The following PIEZO2 variants were observed in gnomAD, a reference collection of about 807,000 sequenced individuals.
The protein encoded by PIEZO2 is piezo-type mechanosensitive ion channel component 2.
Under a neutral mutation model 337.3 loss-of-function variants are expected in PIEZO2, and 172 were observed. The ratio of observed to expected loss-of-function variants is 0.51; its 90% confidence interval spans 0.45 to 0.58. The LOEUF is 0.58. PIEZO2 is among the 20% of genes least tolerant of loss of function. The pLI is 0.00. For missense variants in PIEZO2, 3,028 were observed against 3,391.3 expected (o/e 0.89, Z 2.66); for synonymous variants, 1,251 against 1,228.5 (o/e 1.02, Z -0.38).
At chr18:10,823,672 G>A (rs2040586411) in intron 7 of PIEZO2, among the ~76,000 whole-genome samples, 1 of 152,146 alleles carries the variant, frequency 6.6e-6, no homozygotes, top group Non-Finnish European at 1.5e-5. Flanking sequence ...AGGGAGGGGA[G>A]GGATAAATGT....
At position 10,760,996 on chromosome 18, in the gene PIEZO2, T is replaced by A. The variant is rs2038103613; in HGVS notation, c.3365A>T (p.Asp1122Val). 1.3e-6 allele frequency: 2 copies of A among 1,534,038 alleles called. No homozygotes were observed. Among genetic ancestry groups the A allele is most frequent in the Non-Finnish European group, 1.7e-6 (2 of 1,144,086 alleles). ...TAPVSRTIFH[D>V]ITRLHLDDGL... ...ATCATCTAGATGTAGTCTTGTAATG[T>A]CATGAAAGATAGTTCTAGACACAGG... The change falls in exon 24 of 56, where the codon GAC becomes GTC. Residue 1122 changes from aspartate to valine, a missense_variant. Around this residue, in one of 5 missense-constraint regions of PIEZO2, gnomAD observed 1,925 missense variants for 2,051.9 expected, o/e 0.94. Transcript: ENST00000674853.
At position 10,794,964 on chromosome 18, in the gene PIEZO2, C is replaced by T; in HGVS notation, c.1566G>A (p.Val522=). The change falls in exon 13 of 56, where the codon GTG becomes GTA. Residue 522 remains valine (V), a synonymous_variant. Coordinates refer to ENST00000674853, the MANE Select transcript of PIEZO2 (RefSeq NM_001378183.1). This position sits in a 1 kb window ranked among gnomAD's most constrained non-coding sequence, Gnocchi z 6.6. ...SITYHSWLTF[V]LLIWSCTLWM... is the part of the protein sequence containing the mutation. ...AAAGAGTGCACGACCAGATCAGCAG[C>T]ACGAAGGTCAGCCAGCTGTGATAGG... 1 of 1,547,834 alleles carries T rather than the reference C, an allele frequency of 6.5e-7. No homozygotes were observed. Among genetic ancestry groups the T allele is most frequent in the Middle Eastern group, 1.7e-4 (1 of 5,994 alleles).
chr18:10,705,489 C>T lies in PIEZO2; in HGVS notation c.5846G>A (p.Ser1949Asn), dbSNP rs1335706888. Residue 1949 changes from serine (S) to asparagine (N), a missense_variant, in exon 41 of 56, where the codon AGC becomes AAC. By Grantham distance (46) the Ser-to-Asn change is conservative. This residue lies in a region of PIEZO2 where 1,925 missense variants were observed against 2,051.9 expected (regional missense o/e 0.94). Transcript: ENST00000674853. ...EAPPSYSKAVSFEHLSFGSQD... is the reference protein window; with the variant it reads ...EAPPSYSKAVNFEHLSFGSQD... ...CGAGCCGAAGGACAGATGCTCGAAGCTCACAGCCTTGCTGTAGGAGGGTGG... is the reference window on the plus strand; with the variant it reads ...CGAGCCGAAGGACAGATGCTCGAAGTTCACAGCCTTGCTGTAGGAGGGTGG... The T allele has an allele frequency of 6.5e-7, 1 of 1,537,290 alleles. No individual in the cohort carries two copies. Among genetic ancestry groups the T allele is most frequent in the Admixed American group, 2.0e-5 (1 of 51,010 alleles).
chr18:10,927,118 C>A (rs1428858742), intron 3 of PIEZO2, among the ~76,000 whole-genome samples: 4 of 152,238 alleles, frequency 2.6e-5, no homozygotes, highest in African/African-American at 9.6e-5. Flanking sequence ...TCCTGGATTT[C>A]TTTGCTTCGC....
chr18:10,795,338 TTTATTTTATTTTA>T lies in PIEZO2; in HGVS notation c.1528-349_1528-337del, dbSNP rs1158585088. Among the ~76,000 whole-genome samples, 67 of 18,852 alleles carry T rather than the reference TTTATTTTATTTTA, an allele frequency of 3.6e-3. 1 individual carries two copies. Among genetic ancestry groups the T allele is most frequent in the African/African-American group, 0.011 (64 of 5,830 alleles). 12.4% of individuals were successfully genotyped at this position (18,852 alleles called of 152,430 possible). ...AATATTTTATTTTATTTTATTTTAT[TTTATTTTATTTTA>T]TTATTTTATTTTATTTTATTTTATT... On this transcript the variant is annotated intron_variant, in intron 12 of 55. Coordinates refer to ENST00000674853, the MANE Select transcript of PIEZO2 (RefSeq NM_001378183.1). This position sits in a 1 kb window ranked among gnomAD's most constrained non-coding sequence, Gnocchi z 4.4.
intron 2 of PIEZO2, among the ~76,000 whole-genome samples, chr18:11,006,571 T>A (rs2035728319): frequency 6.6e-6 from 1 of 152,086 alleles, no homozygotes; most frequent in African/African-American, 2.4e-5. Context: ...CTCGTATTGG[T>A]CTATTAGCTT....
intron 52 of PIEZO2, 80 bp downstream of exon 52, chr18:10,680,119 T>G: frequency 7.9e-7 from 1 of 1,269,598 alleles, no homozygotes; most frequent in Non-Finnish European, 1.1e-6. Flanking sequence ...CATTCTTCCA[T>G]CCCACCACAC....
chr18:11,005,025 C>A (rs1056391014), intron 2 of PIEZO2, among the ~76,000 whole-genome samples: 2 of 152,158 alleles, frequency 1.3e-5, no homozygotes, highest in Non-Finnish European at 2.9e-5. Flanking sequence ...AAAGGTGATC[C>A]CTATGTGATG....
chr18:10,974,311 G>A (rs1205565560), intron 3 of PIEZO2, among the ~76,000 whole-genome samples: 1 of 152,170 alleles, frequency 6.6e-6, no homozygotes, highest in Non-Finnish European at 1.5e-5. Context: ...AGTTTCATGT[G>A]CTTGTAAAAA....
At chr18:10,760,247 T>A (rs2038069495) in intron 24 of PIEZO2, among the ~76,000 whole-genome samples, 1 of 152,214 alleles carries the variant, frequency 6.6e-6, no homozygotes, top group Non-Finnish European at 1.5e-5. Flanking sequence ...GTTAAAACAG[T>A]TCATTTTGGC....
At chr18:10,995,077 C>CAAAAAAAAAAAAA (rs767666232) in intron 2 of PIEZO2, among the ~76,000 whole-genome samples, 9 of 28,290 alleles carry the variant, frequency 3.2e-4, no homozygotes, top group African/African-American at 9.9e-4. Context: ...GACTCCGTCT[C>CAAAAAAAAAAAAA]AAAAAAAAAA....
At chr18:10,873,614 G>A (rs1456699402) in intron 4 of PIEZO2, among the ~76,000 whole-genome samples, 7 of 128,944 alleles carry the variant, frequency 5.4e-5, no homozygotes, top group Non-Finnish European at 1.7e-5. Flanking sequence ...TCATACTAAT[G>A]GACAGACGGT....
chr18:10,950,916 A>G (rs2033262843), intron 3 of PIEZO2, among the ~76,000 whole-genome samples: 1 of 152,134 alleles, frequency 6.6e-6, no homozygotes. Flanking sequence ...CAATTGCCTT[A>G]GTTTGGATTC....
chr18:11,053,803 T>G (rs2660254), intron 2 of PIEZO2, among the ~76,000 whole-genome samples: 111,304 of 151,994 alleles, frequency 0.73, 41,641 homozygotes, highest in East Asian at 0.98. Context: ...GCCAAGGCAG[T>G]TCAGGAGTTC....
intron 36 of PIEZO2, chr18:10,725,001 T>C: frequency 6.3e-7 from 1 of 1,588,956 alleles, no homozygotes; most frequent in Non-Finnish European, 8.6e-7. Context: ...CTCAAAGCGA[T>C]GCAGGCCATA....
In PIEZO2 at chr18:10,910,420, T is replaced by C. The variant is rs537424709; in HGVS notation, c.329+766A>G. The stretch of plus-strand genomic sequence containing the variant: ...CAACATAGTGAAACCCTGTCTCTAC[T>C]AAAAATACGAAAATAAGCTGGGTGT... On this transcript the variant is annotated intron_variant, in intron 4 of 55. Coordinates refer to ENST00000674853, the MANE Select transcript of PIEZO2 (RefSeq NM_001378183.1). 5.9e-5 allele frequency among the ~76,000 whole-genome samples: 9 copies of C among 152,116 alleles called. 1 individual carries two copies. In the South Asian group the frequency reaches 1.9e-3, roughly 32 times the overall value.
chr18:11,114,840 C>A (rs1042266835), intron 1 of PIEZO2, among the ~76,000 whole-genome samples: 2 of 151,998 alleles, frequency 1.3e-5, no homozygotes, highest in African/African-American at 4.8e-5. Context: ...ATCAAATAAA[C>A]ACACAGAAGC....
chr18:10,719,880 T>C (rs191755847), intron 36 of PIEZO2, among the ~76,000 whole-genome samples: 238 of 152,150 alleles, frequency 1.6e-3, no homozygotes, highest in African/African-American at 5.2e-3. Flanking sequence ...ATATGAAATA[T>C]AGAAGGATAA....
intron 4 of PIEZO2, among the ~76,000 whole-genome samples, chr18:10,887,714 C>T (rs911140189): frequency 6.6e-6 from 1 of 152,190 alleles, no homozygotes; most frequent in African/African-American, 2.4e-5. Flanking sequence ...TCTCACTAGT[C>T]TCCTTCATTC....
Sources: allele counts gnomAD v4.1 joint callset (sites outside exome capture counted in the v4.1 genomes callset), GRCh38; gene constraint gnomAD v4.1.1; regional missense constraint gnomAD v4.1.1; non-coding constraint Gnocchi (gnomAD v3.1); transcripts MANE v1.5; gene names NCBI Gene and HGNC (gene_info 2026-07-23, HGNC 2026-07-21).